The following PHRF1 variants were observed in gnomAD, a reference collection of about 807,000 sequenced individuals.
PHRF1 encodes PHD and ring finger domains 1.
In PHRF1, 53 loss-of-function variants were observed where a neutral mutation model predicts 128.9. That is an observed-to-expected ratio of 0.41 (90% CI 0.33 to 0.52). PHRF1 has a LOEUF of 0.52. Among genes scored for constraint, PHRF1 ranks in the 20% least tolerant of loss-of-function variants. The pLI is 0.21. For missense variants in PHRF1, 2,503 were observed against 2,284.5 expected, an observed-to-expected ratio of 1.10 and a Z score of -1.95; for synonymous variants, 1,178 against 980.6, an observed-to-expected ratio of 1.20 and a Z score of -3.76.
chr11:590,891 C>T (rs976951656), intron 4 of PHRF1, among the ~76,000 whole-genome samples: 10 of 152,020 alleles, frequency 6.6e-5, no homozygotes, highest in Non-Finnish European at 1.3e-4. Flanking sequence ...TTAGTAGAGG[C>T]GGGGTTTCTC....
At chr11:583,553 C>T (rs898247922) in intron 3 of PHRF1, among the ~76,000 whole-genome samples, 1 of 152,204 alleles carries the variant, frequency 6.6e-6, no homozygotes, top group Non-Finnish European at 1.5e-5. Flanking sequence ...TTACAATTGG[C>T]TGATGGTTGT....
intron 4 of PHRF1, among the ~76,000 whole-genome samples, chr11:590,687 C>G (rs1854917112): frequency 6.6e-6 from 1 of 152,170 alleles, no homozygotes; most frequent in Non-Finnish European, 1.5e-5. Context: ...GTATACCTGA[C>G]TGTTATCCAT....
At chr11:599,314 G>A (rs1310405105) in intron 9 of PHRF1, among the ~76,000 whole-genome samples, 2 of 126,036 alleles carry the variant, frequency 1.6e-5, no homozygotes, top group African/African-American at 3.0e-5. Context: ...GCAGTGGCAT[G>A]ATCTTGGCTC....
At position 607,593 on chromosome 11, in the gene PHRF1, C is replaced by T; in HGVS notation, c.2137C>T (p.Arg713Ter). ...SIEIPSACIS[R>*]LTGREGTGQP... ...TGAGATCCCCAGTGCCTGCATCAGC[C>T]GACTGACTGGCAGGGAGGGCACCGG... Residue 713 changes from arginine to a stop codon, truncating the protein, a stop_gained, in exon 14 of 18, where the codon CGA becomes TGA. Coordinates refer to ENST00000264555, the MANE Select transcript of PHRF1 (RefSeq NM_001286581.2). LOFTEE classifies it high-confidence loss of function. 1 of 1,612,402 alleles carries T rather than the reference C, an allele frequency of 6.2e-7. No individual in the cohort carries two copies. Among genetic ancestry groups the T allele is most frequent in the Non-Finnish European group, 8.5e-7 (1 of 1,179,832 alleles).
chr11:587,787 G>A (rs1427028233), intron 4 of PHRF1, among the ~76,000 whole-genome samples: 1 of 152,158 alleles, frequency 6.6e-6, no homozygotes, highest in East Asian at 1.9e-4. Flanking sequence ...GGTGTGCTGT[G>A]GTGCGTGGTC....
intron 1 of PHRF1, among the ~76,000 whole-genome samples, chr11:578,350 A>T (rs1854006357): frequency 6.6e-6 from 1 of 152,162 alleles, no homozygotes. Flanking sequence ...GCTGTGGTGG[A>T]GGAGTGTAAG....
chr11:576,683 ACCGCGGGGCGAGGCCTGCG>A lies in PHRF1; in HGVS notation c.-22+97_-22+115del, dbSNP rs1280509996. On this transcript the variant is annotated intron_variant, in intron 1 of 17. Transcript: ENST00000264555. Reference sequence around the variant, plus strand: ...GCCACGCGCTTTGTCTGCGGCCTGCACCGCGGGGCGAGGCCTGCGCCGCGCTGGCCGCGGGCCGGGAGGG... The same window carrying A: ...GCCACGCGCTTTGTCTGCGGCCTGCACCGCGCTGGCCGCGGGCCGGGAGGG... 89 of 141,146 alleles carry A rather than the reference ACCGCGGGGCGAGGCCTGCG, an allele frequency of 6.3e-4. 1 individual carries two copies. The highest frequency in any genetic ancestry group is 1.7e-3 in the African/African-American group (68 of 39,136). 8.7% of individuals were successfully genotyped at this position (141,146 alleles called of 1,614,324 possible). A position where few individuals can be genotyped will look rare whatever the true frequency, so the allele number is the denominator to read the frequency against.
chr11:589,128 CTG>C (rs1854768362), intron 4 of PHRF1, among the ~76,000 whole-genome samples: 1 of 150,002 alleles, frequency 6.7e-6, no homozygotes, highest in Admixed American at 6.6e-5. Flanking sequence ...GAGCAAGACA[CTG>C]TCTCAAAAAA....
chr11:582,010 G>A lies in PHRF1; in HGVS notation c.143G>A (p.Ser48Asn). ...SSGDSGDDSD[S>N]EHGDGTDGED... The stretch of plus-strand genomic sequence containing the variant: ...GGGGACTCTGGGGACGACAGTGACA[G>A]CGAGCATGGAGATGGCACAGACGGA... Residue 48 changes from serine to asparagine, a missense_variant, in exon 3 of 18, where the codon AGC becomes AAC. By Grantham distance (46) the Ser-to-Asn change is conservative. Transcript: ENST00000264555. The A allele has an allele frequency of 6.2e-7, 1 of 1,608,428 alleles. No individual in the cohort carries two copies. Among genetic ancestry groups the A allele is most frequent in the South Asian group, 1.1e-5 (1 of 89,594 alleles).
Position 582,340 on chromosome 11 carries a change from C to T in PHRF1, c.214+259C>T, listed in dbSNP as rs1309397096. ...AGTACAGTGGTGCCATCTCAGCTCA[C>T]TGCAACTTCTGCCTCCCGGGTTCAA... On this transcript the variant is annotated intron_variant, in intron 3 of 17. Transcript: ENST00000264555. Among the ~76,000 whole-genome samples, 4 of 150,288 alleles carry T rather than the reference C, an allele frequency of 2.7e-5. No individual in the cohort carries two copies. The South Asian group carries it at 8.4e-4, about 32-fold the overall frequency.
In PHRF1 at chr11:608,067, C is replaced by A. The variant is rs1385251044; in HGVS notation, c.2611C>A (p.Gln871Lys). The change falls in exon 14 of 18, where the codon CAG becomes AAG. Residue 871 changes from glutamine to lysine, a missense_variant. Physicochemically the swap from Gln to Lys is moderately conservative, Grantham distance 53. Transcript: ENST00000264555. Reference protein sequence around the residue: ...RTISINSPKAQTVQAVRCVTS... With the variant: ...RTISINSPKAKTVQAVRCVTS... ...CATCTCCATCAACAGCCCGAAGGCC[C>A]AGACGGTGCAGGCTGTGCGCTGCGT... 1 of 1,611,652 alleles carries A rather than the reference C, an allele frequency of 6.2e-7. No homozygotes were observed. The highest frequency in any genetic ancestry group is 8.5e-7 in the Non-Finnish European group (1 of 1,179,874).
chr11:587,374 C>T lies in PHRF1; in HGVS notation c.330C>T (p.Ile110=), dbSNP rs766339499. Residue 110 remains isoleucine (I), a synonymous_variant, in exon 4 of 18, where the codon ATC becomes ATT. Transcript: ENST00000264555. The stretch of plus-strand genomic sequence containing the variant: ...ATGATGATGCAGAGAGCTGCCCAAT[C>T]TGTCTCAACGCATTCAGAGACCAGG... ...NSDDDAESCP[I]CLNAFRDQAV... 5 of 1,613,912 alleles carry T rather than the reference C, an allele frequency of 3.1e-6. No homozygotes were observed. The Admixed American group carries it at 6.7e-5, about 22-fold the overall frequency.
rs373848159 is a variant in PHRF1, at chr11:610,260, C to A, written c.4329C>A (p.Pro1443=). The change falls in exon 15 of 18, where the codon CCC becomes CCA. Residue 1443 remains proline (P), a synonymous_variant. Transcript: ENST00000264555. ...EGAWDMEDVA[P]TGVRQVFSEL... is the part of the protein sequence containing the mutation. ...CCTGGGACATGGAGGATGTGGCCCC[C>A]ACAGGGGTCAGGCAGGTGTTCTCCG... is the stretch of plus-strand genomic sequence containing the variant. The A allele has an allele frequency of 3.9e-6, 6 of 1,555,980 alleles. No individual in the cohort carries two copies. The highest frequency in any genetic ancestry group is 5.2e-6 in the Non-Finnish European group (6 of 1,149,878).
chr11:583,211 C>T (rs997954305), intron 3 of PHRF1, among the ~76,000 whole-genome samples: 6 of 151,898 alleles, frequency 4.0e-5, no homozygotes, highest in African/African-American at 9.7e-5. Flanking sequence ...TGTTGGCACG[C>T]GCCTGTAATC....
In PHRF1 at chr11:596,857, C is replaced by T. The variant is rs567196630; in HGVS notation, c.621-66C>T. ...TCGGAGGCCTGCTTTGTGGTCCCCTCACTTGAGGAGGTTTGGGAAAGCTGT... is the reference window on the plus strand; with the variant it reads ...TCGGAGGCCTGCTTTGTGGTCCCCTTACTTGAGGAGGTTTGGGAAAGCTGT... On this transcript the variant is annotated intron_variant, in intron 6 of 17. Transcript: ENST00000264555. 3.7e-5 allele frequency: 53 copies of T among 1,435,178 alleles called. No individual in the cohort carries two copies. The East Asian group carries it at 1.1e-3, about 31-fold the overall frequency. The allele number at this position is 1,435,178 out of a possible 1,614,324, so 88.9% of individuals were successfully genotyped here.
At chr11:599,504 G>A (rs1300023120) in intron 9 of PHRF1, among the ~76,000 whole-genome samples, 1 of 152,130 alleles carries the variant, frequency 6.6e-6, no homozygotes, top group East Asian at 1.9e-4. Context: ...GACCACCTCA[G>A]CCTCCCAAAG....
chr11:598,571 C>A, intron 9 of PHRF1, 69 bp downstream of exon 9: 1 of 1,533,032 alleles, frequency 6.5e-7, no homozygotes, highest in Non-Finnish European at 8.8e-7. Context: ...CCACTCACTG[C>A]TTCCCTCAAG....
chr11:592,388 T>C (rs553399161), intron 5 of PHRF1, among the ~76,000 whole-genome samples, 171 bp from the exon 6 acceptor site: 132 of 152,274 alleles, frequency 8.7e-4, no homozygotes, highest in South Asian at 2.3e-3. Flanking sequence ...CCTGAGATGG[T>C]AGAAAACATA....
At chr11:599,524 T>C (rs1429655807) in intron 9 of PHRF1, among the ~76,000 whole-genome samples, 1 of 152,182 alleles carries the variant, frequency 6.6e-6, no homozygotes, top group Non-Finnish European at 1.5e-5. Context: ...GTGCTGGGAT[T>C]ACAGGCCTCT....
Sources: allele counts gnomAD v4.1 joint callset (sites outside exome capture counted in the v4.1 genomes callset), GRCh38; gene constraint gnomAD v4.1.1; transcripts MANE v1.5; gene names NCBI Gene and HGNC (gene_info 2026-07-23, HGNC 2026-07-21).